DYNC1I1: variants seen among roughly 807,000 people sequenced by gnomAD.
The protein encoded by DYNC1I1 is cytoplasmic dynein 1 intermediate chain 1.
A neutral mutation model predicts 86.6 loss-of-function variants in DYNC1I1; 43 were observed. The observed-to-expected ratio is 0.50, with a 90% CI of 0.39 to 0.64. DYNC1I1 has a LOEUF of 0.64. DYNC1I1 is among the 30% of genes least tolerant of loss of function. DYNC1I1 has a pLI of 0.00. For synonymous variants in DYNC1I1, 262 were observed against 283.7 expected (o/e 0.92, Z 0.77); for missense variants, 604 against 788.8 (o/e 0.77, Z 2.81).
At chr7:96,085,880 A>C (rs1051387819) in intron 16 of DYNC1I1, among the ~76,000 whole-genome samples, 1 of 152,234 alleles carries the variant, frequency 6.6e-6, no homozygotes, top group South Asian at 2.1e-4. Flanking sequence ...TGGGTAGGAT[A>C]ATAAGTCAAA....
At chr7:95,896,100 G>T (rs1790876153) in intron 6 of DYNC1I1, among the ~76,000 whole-genome samples, 1 of 152,204 alleles carries the variant, frequency 6.6e-6, no homozygotes, top group Non-Finnish European at 1.5e-5. Context: ...AGTAACTAGG[G>T]TTGGCAATAG....
intron 6 of DYNC1I1, among the ~76,000 whole-genome samples, chr7:95,963,227 C>G (rs988886157): frequency 1.3e-5 from 2 of 152,152 alleles, no homozygotes; most frequent in South Asian, 4.1e-4. Flanking sequence ...CCTATCTCCA[C>G]CACTTGTTAA....
At chr7:95,898,817 T>A (rs1227313864) in intron 6 of DYNC1I1, among the ~76,000 whole-genome samples, 1 of 152,196 alleles carries the variant, frequency 6.6e-6, no homozygotes, top group Non-Finnish European at 1.5e-5. Context: ...AGAGGTTGAT[T>A]AAGTTTAATG....
At position 96,098,099 on chromosome 7, in the gene DYNC1I1, C is replaced by T. The variant is rs1791070018; in HGVS notation, c.*506C>T. The T allele has an allele frequency of 1.0e-6, 1 of 986,706 alleles. No homozygotes were observed. The highest frequency in any genetic ancestry group is 1.1e-4 in the East Asian group (1 of 8,846). The allele number at this position is 986,706 out of a possible 1,614,324, so 61.1% of individuals were successfully genotyped here. The stretch of plus-strand genomic sequence containing the variant: ...GCTCCTTATTTATTGTAGTGTGCTG[C>T]ATGGAACGTATTTATTTGAAAGCAT... On this transcript the variant is annotated 3_prime_UTR_variant, in exon 17 of 17. Transcript: ENST00000447467.
intron 14 of DYNC1I1, among the ~76,000 whole-genome samples, chr7:96,052,177 C>T (rs1225445707): frequency 6.6e-6 from 1 of 152,052 alleles, no homozygotes; most frequent in Non-Finnish European, 1.5e-5. Context: ...ACATTGAAAG[C>T]ATACTATAGC....
intron 1 of DYNC1I1, among the ~76,000 whole-genome samples, chr7:95,803,504 T>C (rs1452908754): frequency 1.3e-5 from 2 of 152,372 alleles, no homozygotes; most frequent in East Asian, 3.9e-4. Flanking sequence ...ATGTGTATAG[T>C]AGAAAAACAG....
At chr7:96,073,533 G>A (rs1283092301) in intron 14 of DYNC1I1, among the ~76,000 whole-genome samples, 1 of 152,182 alleles carries the variant, frequency 6.6e-6, no homozygotes, top group Non-Finnish European at 1.5e-5. Context: ...AAGCTGGATG[G>A]TCTTTTAATT....
rs183810726 is a variant in DYNC1I1 at position 95,893,058 on chromosome 7, A to G, written c.490+23060A>G. On this transcript the variant is annotated intron_variant, in intron 6 of 16. Coordinates refer to ENST00000447467, the MANE Select transcript of DYNC1I1 (RefSeq NM_001135556.2). ...TTTCTTCATTTCTTAATAAGTCTTT[A>G]TATATTTTGGCACAGTAAGCTTTGA... 1.2e-4 allele frequency among the ~76,000 whole-genome samples: 18 copies of G among 152,204 alleles called. No homozygotes were observed. In the East Asian group the frequency reaches 1.5e-3, roughly 13 times the overall value.
At chr7:95,969,673 A>G (rs1793114922) in intron 6 of DYNC1I1, among the ~76,000 whole-genome samples, 1 of 152,160 alleles carries the variant, frequency 6.6e-6, no homozygotes, top group Non-Finnish European at 1.5e-5. Flanking sequence ...CTGCTTAAAC[A>G]GTACTATTCT....
intron 9 of DYNC1I1, among the ~76,000 whole-genome samples, chr7:95,993,736 T>C (rs1424055692): frequency 1.3e-5 from 2 of 152,152 alleles, no homozygotes; most frequent in Admixed American, 6.5e-5. Flanking sequence ...TTGAGGCTGC[T>C]GGAAGAATGA....
chr7:96,085,655 G>A (rs1016237042), intron 16 of DYNC1I1, among the ~76,000 whole-genome samples: 1 of 152,152 alleles, frequency 6.6e-6, no homozygotes, highest in Non-Finnish European at 1.5e-5. Context: ...AGACAGAGAA[G>A]ACCCCTTTTT....
chr7:96,047,665 A>T (rs959570359), intron 14 of DYNC1I1, among the ~76,000 whole-genome samples: 13 of 152,328 alleles, frequency 8.5e-5, no homozygotes, highest in Admixed American at 8.5e-4. Context: ...GACATGAGGC[A>T]GTGAACATAA....
intron 6 of DYNC1I1, among the ~76,000 whole-genome samples, chr7:95,929,087 T>A (rs758262828): frequency 2.6e-5 from 4 of 152,172 alleles, no homozygotes; most frequent in Non-Finnish European, 4.4e-5. Context: ...AACAAATGCA[T>A]AAAGATGAGC....
chr7:95,929,554 T>C (rs917865401), intron 6 of DYNC1I1, among the ~76,000 whole-genome samples: 2 of 152,156 alleles, frequency 1.3e-5, no homozygotes, highest in Admixed American at 1.3e-4. Context: ...TTTGAAAGCG[T>C]AAAAGCATGC....
At chr7:96,086,373 C>T (rs1054739224) in intron 16 of DYNC1I1, among the ~76,000 whole-genome samples, 5 of 152,040 alleles carry the variant, frequency 3.3e-5, no homozygotes, top group Non-Finnish European at 7.4e-5. Flanking sequence ...GTTTCAAATC[C>T]CTGATTATAT....
chr7:95,815,947 C>T (rs1259953472), intron 4 of DYNC1I1, among the ~76,000 whole-genome samples: 2 of 151,722 alleles, frequency 1.3e-5, no homozygotes, highest in African/African-American at 4.8e-5. Context: ...TGCAAATTGG[C>T]CTACTCAATG....
chr7:96,059,638 A>T (rs1363359883), intron 14 of DYNC1I1, among the ~76,000 whole-genome samples: 1 of 152,156 alleles, frequency 6.6e-6, no homozygotes, highest in East Asian at 1.9e-4. Context: ...CTGGAGAGTG[A>T]TGGGGGTTTG....
chr7:95,818,496 T>G lies in DYNC1I1; in HGVS notation c.314+5159T>G, dbSNP rs1411095390. ...TAATTTTTTTTTTTTTTTTTTTTTG[T>G]AGAGACGAAGCATTGCTATATTCCC... On this transcript the variant is annotated intron_variant, in intron 4 of 16. Coordinates refer to ENST00000447467, the MANE Select transcript of DYNC1I1 (RefSeq NM_001135556.2). 7 of 597,452 alleles carry G rather than the reference T, an allele frequency of 1.2e-5. No homozygotes were observed. The East Asian group carries it at 2.0e-4, about 17-fold the overall frequency. The allele number at this position is 597,452 out of a possible 1,614,324, so 37.0% of individuals were successfully genotyped here. A position where few individuals can be genotyped will look rare whatever the true frequency, so the allele number is the denominator to read the frequency against.
At chr7:95,792,827 TA>T (rs1260268969) in intron 1 of DYNC1I1, among the ~76,000 whole-genome samples, 2 of 152,012 alleles carry the variant, frequency 1.3e-5, no homozygotes, top group African/African-American at 4.8e-5. Flanking sequence ...GAAAGATGAA[TA>T]GGGGGCATCA....
Sources: gnomAD v4.1 joint callset for allele counts (sites outside exome capture counted in the v4.1 genomes callset) on GRCh38, gnomAD v4.1.1 for gene constraint, MANE v1.5 for transcripts, NCBI Gene and HGNC (gene_info 2026-07-23, HGNC 2026-07-21) for gene names.